The following MGST1 variants were observed in gnomAD, a reference collection of about 807,000 sequenced individuals.
The protein encoded by MGST1 is microsomal glutathione S-transferase 1.
Under a neutral mutation model 8.9 loss-of-function variants are expected in MGST1, and 5 were observed. The observed-to-expected ratio is 0.56, with a 90% CI of 0.29 to 1.19. The LOEUF (loss-of-function observed/expected upper bound fraction) is 1.19. Among genes scored for constraint, MGST1 ranks in the 50% most tolerant of loss-of-function variants. The pLI is 0.08. For synonymous variants in MGST1, 54 were observed against 67.8 expected (o/e 0.80, Z 1.00); for missense variants, 182 against 187.4 (o/e 0.97, Z 0.17).
intron 1 of MGST1, among the ~76,000 whole-genome samples, chr12:16,435,384 C>T (rs1044958095): frequency 1.1e-4 from 16 of 151,820 alleles, no homozygotes; most frequent in African/African-American, 1.4e-4. Context: ...TTCTTTTTCA[C>T]GATTCCAGGA....
intron 4 of MGST1, among the ~76,000 whole-genome samples, chr12:16,536,409 TAGA>T (rs970847224): frequency 6.6e-6 from 1 of 152,168 alleles, no homozygotes; most frequent in Non-Finnish European, 1.5e-5. Flanking sequence ...AGTAGTCTTT[TAGA>T]AGAACAAGTG....
intron 4 of MGST1, among the ~76,000 whole-genome samples, chr12:16,530,916 C>A (rs911666580): frequency 6.6e-6 from 1 of 151,994 alleles, no homozygotes; most frequent in East Asian, 1.9e-4. Flanking sequence ...TAATAAATTT[C>A]GTGTGCTAGC....
rs528192983 is a variant in MGST1 at position 16,413,589 on chromosome 12, G to A, written n.779-23799G>A. ...CTGATTCCCTTTTATCCCCTCCCCAGGTCCAGTGAGTAAACTCTCACTTAT... is the reference window on the plus strand; with the variant it reads ...CTGATTCCCTTTTATCCCCTCCCCAAGTCCAGTGAGTAAACTCTCACTTAT... On this transcript the variant is annotated intron_variant and non_coding_transcript_variant, in intron 1 of 1. Coordinates refer to the MGST1 transcript ENST00000359720. The surrounding 1 kb of genome is among the most constrained non-coding windows in gnomAD (Gnocchi z 4.0). Among the ~76,000 whole-genome samples, 16 of 152,208 alleles carry A rather than the reference G, an allele frequency of 1.1e-4. No homozygotes were observed. The highest frequency in any genetic ancestry group is 3.9e-4 in the African/African-American group (16 of 41,524).
chr12:16,393,317 G>T (rs183715849), intron 1 of MGST1, among the ~76,000 whole-genome samples: 100 of 152,308 alleles, frequency 6.6e-4, no homozygotes, highest in African/African-American at 2.3e-3. Flanking sequence ...ATATGAAAGA[G>T]AAGCAGCTTT....
chr12:16,502,964 T>G, intron 4 of MGST1, among the ~76,000 whole-genome samples: 1 of 152,192 alleles, frequency 6.6e-6, no homozygotes, highest in East Asian at 1.9e-4. Context: ...ATGGAATGTC[T>G]TCAGCTTCAA....
intron 1 of MGST1, among the ~76,000 whole-genome samples, chr12:16,390,772 C>T (rs1048466896): frequency 2.0e-5 from 3 of 151,990 alleles, no homozygotes; most frequent in African/African-American, 4.8e-5. Context: ...AATGAACATT[C>T]ACATGTATGT....
intron 1 of MGST1, among the ~76,000 whole-genome samples, chr12:16,404,073 C>T (rs1940681074): frequency 6.6e-6 from 1 of 152,078 alleles, no homozygotes; most frequent in Non-Finnish European, 1.5e-5. Context: ...TTGTTCTTTT[C>T]TCCTTATAAT....
intron 4 of MGST1, among the ~76,000 whole-genome samples, chr12:16,543,955 GTTTC>G (rs1207106830): frequency 1.1e-4 from 17 of 152,044 alleles, no homozygotes; most frequent in Non-Finnish European, 2.1e-4. Flanking sequence ...TTATTCTTCT[GTTTC>G]TTTATTGACA....
chr12:16,356,220 CCAAGGTTACATA>C (rs1939708272), intron 2 of MGST1, among the ~76,000 whole-genome samples: 1 of 152,266 alleles, frequency 6.6e-6, no homozygotes, highest in Admixed American at 6.5e-5. Flanking sequence ...AATAGCTTAT[CCAAGGTTACATA>C]CAAATAAAGA....
At chr12:16,539,705 C>T (rs1941781588) in intron 4 of MGST1, among the ~76,000 whole-genome samples, 1 of 152,170 alleles carries the variant, frequency 6.6e-6, no homozygotes, top group Non-Finnish European at 1.5e-5. Flanking sequence ...CATGCCTTCC[C>T]CTGTGTTGTA....
At chr12:16,494,327 T>C (rs1941457040) in intron 4 of MGST1, among the ~76,000 whole-genome samples, 1 of 152,166 alleles carries the variant, frequency 6.6e-6, no homozygotes, top group Non-Finnish European at 1.5e-5. Flanking sequence ...TATTTAATTC[T>C]CATGATACCT....
At chr12:16,447,317 C>T (rs1379314459) in intron 4 of MGST1, among the ~76,000 whole-genome samples, 1 of 151,918 alleles carries the variant, frequency 6.6e-6, no homozygotes, top group African/African-American at 2.4e-5. Context: ...TAGTGTCTTT[C>T]CTCACCACTC....
rs973567147 is a variant in MGST1 at position 16,560,679 on chromosome 12, G to T, written n.483-28849G>T. ...TACACAAGTGGATTTTATCCTAGGT[G>T]TATGCATAAATATTCTTCTGCAATA... On this transcript the variant is annotated intron_variant and non_coding_transcript_variant, in intron 4 of 4. Coordinates refer to the MGST1 transcript ENST00000538857. This position sits in a 1 kb window ranked among gnomAD's most constrained non-coding sequence, Gnocchi z 5.0. The T allele has an allele frequency of 2.8e-6, 2 of 714,522 alleles. No individual in the cohort carries two copies. Among genetic ancestry groups the T allele is most frequent in the African/African-American group, 3.6e-5 (2 of 56,156 alleles). The allele number at this position is 714,522 out of a possible 1,614,324, so 44.3% of individuals were successfully genotyped here.
At chr12:16,394,786 A>G (rs927334429) in intron 1 of MGST1, among the ~76,000 whole-genome samples, 2 of 151,790 alleles carry the variant, frequency 1.3e-5, no homozygotes, top group Non-Finnish European at 2.9e-5. Context: ...TAGTAGAGAC[A>G]TAGTTTCACC....
At chr12:16,455,696 A>G (rs1941166569) in intron 4 of MGST1, among the ~76,000 whole-genome samples, 1 of 151,834 alleles carries the variant, frequency 6.6e-6, no homozygotes, top group Admixed American at 6.6e-5. Context: ...TTCATCATCT[A>G]TTGCTATGGT....
chr12:16,385,984 C>A (rs1411676729), intron 1 of MGST1, among the ~76,000 whole-genome samples: 1 of 152,184 alleles, frequency 6.6e-6, no homozygotes, highest in Non-Finnish European at 1.5e-5. Context: ...AAAGAATCTG[C>A]CTACTGCCTT....
intron 1 of MGST1, among the ~76,000 whole-genome samples, chr12:16,387,530 A>ATTT (rs34939041): frequency 7.0e-6 from 1 of 142,246 alleles, no homozygotes; most frequent in African/African-American, 2.6e-5. Context: ...CAGGTATACC[A>ATTT]TTTTTTTTTT....
rs1418791816 is a variant in MGST1 at position 16,362,466 on chromosome 12, G to A, written c.222-1329G>A. 6.6e-6 allele frequency: 1 copy of A among 152,074 alleles called. No homozygotes were observed. Among genetic ancestry groups the A allele is most frequent in the Non-Finnish European group, 1.5e-5 (1 of 68,016 alleles). The allele number at this position is 152,074 out of a possible 1,614,324, so 9.4% of individuals were successfully genotyped here. ...GGAGAGGAGGAGAGTGACGATCGTT[G>A]AGCAGGCAATATGTAATAATTATAT... On this transcript the variant is annotated intron_variant, in intron 3 of 3. Transcript: ENST00000396210. The surrounding 1 kb of genome is among the most constrained non-coding windows in gnomAD (Gnocchi z 4.4).
At chr12:16,551,640 C>T (rs1249065726) in intron 4 of MGST1, among the ~76,000 whole-genome samples, 1 of 149,932 alleles carries the variant, frequency 6.7e-6, no homozygotes, top group Admixed American at 6.7e-5. Context: ...ATAAAAAGAA[C>T]TGATCTGTAT....
Sources: allele counts gnomAD v4.1 joint callset (sites outside exome capture counted in the v4.1 genomes callset), GRCh38; gene constraint gnomAD v4.1.1; non-coding constraint Gnocchi (gnomAD v3.1); transcripts MANE v1.5; gene names NCBI Gene and HGNC (gene_info 2026-07-23, HGNC 2026-07-21).